The following RCOR1 variants were observed in gnomAD, a reference collection of about 807,000 sequenced individuals.
RCOR1 encodes the protein REST corepressor 1.
Under a neutral mutation model 64.0 loss-of-function variants are expected in RCOR1, and 12 were observed. The observed-to-expected ratio is 0.19, with a 90% CI of 0.12 to 0.30. The LOEUF is 0.30. Among genes scored for constraint, RCOR1 ranks in the 10% least tolerant of loss-of-function variants. The pLI, the probability that RCOR1 is intolerant of heterozygous loss-of-function variation, is 1.00. For missense variants in RCOR1, 502 were observed against 621.2 expected (o/e 0.81, Z 2.04); for synonymous variants, 279 against 227.2 (o/e 1.23, Z -2.05).
chr14:102,679,407 C>CAAAATG (rs1895256756), intron 2 of RCOR1, among the ~76,000 whole-genome samples: 1 of 151,584 alleles, frequency 6.6e-6, no homozygotes, highest in Non-Finnish European at 1.5e-5. Flanking sequence ...TGCCTTCGTG[C>CAAAATG]CTTTATGGAA....
At chr14:102,612,352 C>T (rs115494013) in intron 2 of RCOR1, among the ~76,000 whole-genome samples, 14,975 of 151,692 alleles carry the variant, frequency 0.099, 801 homozygotes, top group Middle Eastern at 0.17. Context: ...TACAGGTGCG[C>T]GCCACCACGC....
chr14:102,617,191 AG>A (rs1893778867), intron 2 of RCOR1, among the ~76,000 whole-genome samples: 1 of 152,216 alleles, frequency 6.6e-6, no homozygotes, highest in Non-Finnish European at 1.5e-5. Context: ...AAATGCATGC[AG>A]TTTTTTACCT....
intron 2 of RCOR1, among the ~76,000 whole-genome samples, chr14:102,671,843 C>G (rs1387436178): frequency 6.6e-6 from 1 of 152,076 alleles, no homozygotes; most frequent in Non-Finnish European, 1.5e-5. Flanking sequence ...GCAGTGGCAC[C>G]CTGTTATTTC....
At position 102,658,650 on chromosome 14, in the gene RCOR1, C is replaced by T. The variant is rs1894773080; in HGVS notation, c.362-23245C>T. 3.1e-6 allele frequency: 3 copies of T among 983,508 alleles called. No homozygotes were observed. In the African/African-American group the frequency reaches 5.2e-5, roughly 17 times the overall value. 60.9% of individuals were successfully genotyped at this position (983,508 alleles called of 1,614,324 possible). A position where few individuals can be genotyped will look rare whatever the true frequency, so the allele number is the denominator to read the frequency against. On this transcript the variant is annotated intron_variant, in intron 2 of 11. Coordinates refer to ENST00000262241, the MANE Select transcript of RCOR1 (RefSeq NM_015156.4). ...CTCACTTGGGTTCCTCTTACATCAC[C>T]AAGGTGTGCTTGTCAATACCCAGAA...
intron 2 of RCOR1, among the ~76,000 whole-genome samples, chr14:102,637,011 T>C (rs1224315250): frequency 6.6e-6 from 1 of 152,126 alleles, no homozygotes; most frequent in African/African-American, 2.4e-5. Context: ...CTTTGCATAT[T>C]GAAGGAACTT....
intron 2 of RCOR1, among the ~76,000 whole-genome samples, chr14:102,602,689 G>GATC (rs1893428530): frequency 6.6e-6 from 1 of 152,138 alleles, no homozygotes; most frequent in Admixed American, 6.6e-5. Context: ...TTACAGACGT[G>GATC]ATCCACTGTG....
At chr14:102,712,351 T>G (rs1325077016) in intron 7 of RCOR1, among the ~76,000 whole-genome samples, 2 of 145,114 alleles carry the variant, frequency 1.4e-5, no homozygotes, top group Admixed American at 6.9e-5. Context: ...CCCTGCTAGG[T>G]TTTTTTTTTT....
intron 11 of RCOR1, among the ~76,000 whole-genome samples, chr14:102,726,189 T>G (rs1896257633): frequency 6.6e-6 from 1 of 151,862 alleles, no homozygotes; most frequent in Admixed American, 6.6e-5. Context: ...TAGCTGGGCG[T>G]GGAGGCAGGT....
At chr14:102,632,223 T>G (rs1049609644) in intron 2 of RCOR1, among the ~76,000 whole-genome samples, 2 of 150,836 alleles carry the variant, frequency 1.3e-5, no homozygotes, top group African/African-American at 4.9e-5. Context: ...GTTGGGTTTT[T>G]TTTTTTTTTT....
chr14:102,592,977 T>TCCGCCTCCG lies in RCOR1; in HGVS notation c.96_97insTCCGCCGCC (p.Ala32_Ala33insSerAlaAla), dbSNP rs1893160819. On this transcript the variant is annotated inframe_insertion, in exon 1 of 12. Coordinates refer to ENST00000262241, the MANE Select transcript of RCOR1 (RefSeq NM_015156.4). ...CGCCTCCGCCTCCGCCGCCGCCGCC[T>TCCGCCTCCG]CCGCCGCCGCCTCGGCCGCCTGCGC... 1.7e-6 allele frequency: 2 copies of TCCGCCTCCG among 1,153,598 alleles called. No homozygotes were observed. Among genetic ancestry groups the TCCGCCTCCG allele is most frequent in the African/African-American group, 3.3e-5 (2 of 59,896 alleles). 71.5% of individuals were successfully genotyped at this position (1,153,598 alleles called of 1,614,324 possible).
At chr14:102,668,315 C>T (rs914859722) in intron 2 of RCOR1, among the ~76,000 whole-genome samples, 1 of 152,168 alleles carries the variant, frequency 6.6e-6, no homozygotes, top group Non-Finnish European at 1.5e-5. Context: ...GAGAATAAAT[C>T]TTGCTAAAAT....
At chr14:102,684,010 G>T (rs1024579722) in intron 3 of RCOR1, among the ~76,000 whole-genome samples, 1 of 152,226 alleles carries the variant, frequency 6.6e-6, no homozygotes, top group Non-Finnish European at 1.5e-5. Flanking sequence ...CCGCAGCTCT[G>T]ACCGTATCCC....
intron 2 of RCOR1, among the ~76,000 whole-genome samples, chr14:102,616,222 G>A (rs978309602): frequency 1.5e-5 from 1 of 67,008 alleles, no homozygotes; most frequent in Non-Finnish European, 3.2e-5. Context: ...GTGTGTGTGT[G>A]TGTGTGTGTG....
intron 2 of RCOR1, among the ~76,000 whole-genome samples, chr14:102,677,214 C>G (rs1490530868): frequency 1.5e-5 from 2 of 137,092 alleles, no homozygotes; most frequent in Non-Finnish European, 3.2e-5. Context: ...GGGGGCTGAC[C>G]CCCCCTCCCC....
At chr14:102,645,361 T>C (rs1358330397) in intron 2 of RCOR1, among the ~76,000 whole-genome samples, 1 of 152,254 alleles carries the variant, frequency 6.6e-6, no homozygotes, top group Non-Finnish European at 1.5e-5. Context: ...GTTTCTTTTT[T>C]TAAAATTCTG....
At chr14:102,695,820 A>G (rs1345501027) in intron 3 of RCOR1, among the ~76,000 whole-genome samples, 1 of 150,292 alleles carries the variant, frequency 6.7e-6, no homozygotes, top group Non-Finnish European at 1.5e-5. Context: ...GAGTGCTGGG[A>G]TTATAGGTGT....
intron 2 of RCOR1, among the ~76,000 whole-genome samples, chr14:102,628,580 A>T (rs1349922084): frequency 6.6e-6 from 1 of 150,902 alleles, no homozygotes; most frequent in Non-Finnish European, 1.5e-5. Flanking sequence ...TTAGCCTCTT[A>T]GTGGATCCCT....
At chr14:102,676,507 A>AC (rs200702020) in intron 2 of RCOR1, among the ~76,000 whole-genome samples, 17 of 6,546 alleles carry the variant, frequency 2.6e-3, no homozygotes, top group Admixed American at 4.9e-3. Context: ...CGGCTGGCCG[A>AC]CCCCCCCCCA....
chr14:102,594,835 C>G (rs912316208), intron 2 of RCOR1, among the ~76,000 whole-genome samples: 1 of 152,102 alleles, frequency 6.6e-6, no homozygotes, highest in African/African-American at 2.4e-5. Flanking sequence ...TCAAGTCTAT[C>G]TTTGCTTTAA....
Sources: allele counts gnomAD v4.1 joint callset (sites outside exome capture counted in the v4.1 genomes callset), GRCh38; gene constraint gnomAD v4.1.1; transcripts MANE v1.5; gene names NCBI Gene and HGNC (gene_info 2026-07-23, HGNC 2026-07-21).